Variants in SORCS2 observed in about 807,000 individuals in gnomAD.
SORCS2 encodes the protein VPS10 domain-containing receptor SorCS2.
A neutral mutation model predicts 141.6 loss-of-function variants in SORCS2; 100 were observed. That is an observed-to-expected ratio of 0.71 (90% confidence interval 0.60 to 0.83). The LOEUF (loss-of-function observed/expected upper bound fraction) is 0.83. Among genes scored for constraint, SORCS2 ranks in the 40% least tolerant of loss-of-function variants. SORCS2 has a pLI of 0.00. For missense variants in SORCS2, 1,646 were observed against 1,560.2 expected, an observed-to-expected ratio of 1.05 and a Z score of -0.93; for synonymous variants, 789 against 676.9, an observed-to-expected ratio of 1.17 and a Z score of -2.57.
chr4:7,473,940 T>C (rs1317764316), intron 2 of SORCS2, among the ~76,000 whole-genome samples: 1 of 152,206 alleles, frequency 6.6e-6, no homozygotes, highest in East Asian at 1.9e-4. Context: ...AAGTAGCTCA[T>C]TGGTGATGTC....
At chr4:7,726,931 C>G in intron 21 of SORCS2, 28 bp downstream of exon 21, 1 of 1,600,086 alleles carries the variant, frequency 6.2e-7, no homozygotes, top group Non-Finnish European at 8.5e-7. Context: ...TCTGGCAGCA[C>G]GGCCTCTGCA....
At chr4:7,564,655 G>A (rs1194988747) in intron 3 of SORCS2, among the ~76,000 whole-genome samples, 1 of 152,214 alleles carries the variant, frequency 6.6e-6, no homozygotes, top group African/African-American at 2.4e-5. Context: ...CTCACCAGCC[G>A]GGAGGTGGCT....
chr4:7,418,200 G>C (rs1725819901), intron 2 of SORCS2, among the ~76,000 whole-genome samples: 1 of 152,144 alleles, frequency 6.6e-6, no homozygotes, highest in Admixed American at 6.5e-5. Context: ...ATTCAATGTT[G>C]AATGAGGCAG....
intron 1 of SORCS2, among the ~76,000 whole-genome samples, chr4:7,273,017 G>C (rs575152336): frequency 3.9e-5 from 6 of 152,344 alleles, no homozygotes; most frequent in Non-Finnish European, 8.8e-5. Flanking sequence ...CAGAGCAGGA[G>C]GCTGCAGGGT....
At chr4:7,727,240 G>C (rs909640618) in intron 21 of SORCS2, among the ~76,000 whole-genome samples, 6 of 152,236 alleles carry the variant, frequency 3.9e-5, no homozygotes, top group Admixed American at 3.3e-4. Flanking sequence ...CAGGGCCCCT[G>C]TCCTCTTGGC....
chr4:7,546,812 C>G (rs997807143), intron 3 of SORCS2, among the ~76,000 whole-genome samples: 3 of 152,292 alleles, frequency 2.0e-5, no homozygotes, highest in Middle Eastern at 3.4e-3. Context: ...CTTGCCGTAG[C>G]CAGAATTTCA....
chr4:7,534,637 C>G (rs4689137), intron 3 of SORCS2, among the ~76,000 whole-genome samples: 50,162 of 152,036 alleles, frequency 0.33, 8,639 homozygotes, highest in African/African-American at 0.42. Context: ...GAGGGCCAGG[C>G]CTGCAGGGGG....
At chr4:7,313,286 C>T (rs1718319867) in intron 1 of SORCS2, among the ~76,000 whole-genome samples, 1 of 152,256 alleles carries the variant, frequency 6.6e-6, no homozygotes, top group Admixed American at 6.5e-5. Flanking sequence ...ATCATTCATT[C>T]AGTTGTTAGA....
chr4:7,271,302 C>T (rs781498145), intron 1 of SORCS2, among the ~76,000 whole-genome samples: 1 of 152,238 alleles, frequency 6.6e-6, no homozygotes, highest in South Asian at 2.1e-4. Flanking sequence ...AGTGGCCCCA[C>T]ACGGCCCTAA....
At chr4:7,222,375 C>A (rs1177702583) in intron 1 of SORCS2, among the ~76,000 whole-genome samples, 2 of 152,166 alleles carry the variant, frequency 1.3e-5, no homozygotes, top group Non-Finnish European at 2.9e-5. Context: ...GTCAAAGAAG[C>A]CAGCCACGAA....
At chr4:7,490,357 G>A (rs1177167731) in intron 2 of SORCS2, among the ~76,000 whole-genome samples, 1 of 152,178 alleles carries the variant, frequency 6.6e-6, no homozygotes, top group Non-Finnish European at 1.5e-5. Context: ...TGTAGGGGGT[G>A]AGGCTGTCAA....
intron 17 of SORCS2, among the ~76,000 whole-genome samples, chr4:7,716,682 A>ACCATCCAT (rs1553806170): frequency 4.2e-5 from 2 of 47,406 alleles, no homozygotes; most frequent in African/African-American, 1.5e-4. Flanking sequence ...TCATTCATTC[A>ACCATCCAT]CCGTCCATCC....
At chr4:7,484,871 C>A (rs114770752) in intron 2 of SORCS2, among the ~76,000 whole-genome samples, 1 of 152,016 alleles carries the variant, frequency 6.6e-6, no homozygotes, top group African/African-American at 2.4e-5. Context: ...TGCGGCCTGT[C>A]TCCTGCATCC....
At chr4:7,378,302 CT>C (rs1722780076) in intron 1 of SORCS2, among the ~76,000 whole-genome samples, 2 of 152,116 alleles carry the variant, frequency 1.3e-5, no homozygotes, top group African/African-American at 4.8e-5. Context: ...TTTAAGGCAC[CT>C]TTTTGGGGCT....
At chr4:7,283,029 A>G (rs931757156) in intron 1 of SORCS2, among the ~76,000 whole-genome samples, 1 of 149,514 alleles carries the variant, frequency 6.7e-6, no homozygotes, top group Admixed American at 6.8e-5. Flanking sequence ...TCACTCATTT[A>G]TTCATCCATT....
intron 1 of SORCS2, among the ~76,000 whole-genome samples, chr4:7,328,137 C>T (rs140032399): frequency 0.027 from 4,107 of 151,106 alleles, 95 homozygotes; most frequent in South Asian, 0.047. Flanking sequence ...GTTATTCTCC[C>T]ACCTCAGCCT....
Position 7,664,063 on chromosome 4 carries a change from G to C in SORCS2, c.953-290G>C, listed in dbSNP as rs773095650. Among the ~76,000 whole-genome samples the C allele has an allele frequency of 2.0e-5, 3 of 152,158 alleles. No homozygotes were observed. The highest frequency in any genetic ancestry group is 4.4e-5 in the Non-Finnish European group (3 of 68,028). On this transcript the variant is annotated intron_variant, in intron 6 of 26. Transcript: ENST00000507866. This position sits in a 1 kb window ranked among gnomAD's most constrained non-coding sequence, Gnocchi z 4.7. ...GGGGCCGTGCATGTCTGGGTGTGGCGAGGTACCCACCGTCGCCTGTGCTGA... is the reference window on the plus strand; with the variant it reads ...GGGGCCGTGCATGTCTGGGTGTGGCCAGGTACCCACCGTCGCCTGTGCTGA...
At chr4:7,636,067 C>T (rs1339715558) in intron 3 of SORCS2, among the ~76,000 whole-genome samples, 1 of 152,036 alleles carries the variant, frequency 6.6e-6, no homozygotes, top group Non-Finnish European at 1.5e-5. Flanking sequence ...CGTGCCATTG[C>T]CCACTGCCCT....
At chr4:7,456,292 G>T (rs963733603) in intron 2 of SORCS2, among the ~76,000 whole-genome samples, 2 of 152,154 alleles carry the variant, frequency 1.3e-5, no homozygotes, top group Non-Finnish European at 2.9e-5. Flanking sequence ...GAGCTCACTG[G>T]TGTTTGTGAT....
Sources: gnomAD v4.1 joint callset for allele counts (sites outside exome capture counted in the v4.1 genomes callset) on GRCh38, gnomAD v4.1.1 for gene constraint, Gnocchi (gnomAD v3.1) non-coding constraint, MANE v1.5 for transcripts, NCBI Gene and HGNC (gene_info 2026-07-23, HGNC 2026-07-21) for gene names.